Variants in SPATA13 observed in about 807,000 individuals in gnomAD.
SPATA13 encodes spermatogenesis associated 13.
Under a neutral mutation model 104.0 loss-of-function variants are expected in SPATA13, and 50 were observed. That is an observed-to-expected ratio of 0.48 (90% CI 0.38 to 0.61). The LOEUF (loss-of-function observed/expected upper bound fraction) is 0.61. Ranked by LOEUF, SPATA13 falls within the 20% of genes least tolerant of loss-of-function variation. SPATA13 has a pLI of 0.00. For missense variants in SPATA13, 1,524 were observed against 1,690.6 expected, an observed-to-expected ratio of 0.90 and a Z score of 1.73; for synonymous variants, 606 against 667.5, an observed-to-expected ratio of 0.91 and a Z score of 1.42.
chr13:24,279,000 T>TCCCTG (rs1875277351), intron 4 of SPATA13, among the ~76,000 whole-genome samples: 1 of 117,874 alleles, frequency 8.5e-6, no homozygotes, highest in Non-Finnish European at 1.9e-5. Context: ...CTCCCTTCCT[T>TCCCTG]CCTTCCTTCC....
At chr13:24,149,783 A>G (rs756131715) in intron 3 of SPATA13, among the ~76,000 whole-genome samples, 6 of 152,360 alleles carry the variant, frequency 3.9e-5, no homozygotes, top group African/African-American at 1.4e-4. Flanking sequence ...GCTGCGGGTC[A>G]GGTTGTCACA....
At chr13:24,154,689 T>C (rs1593364218) in intron 3 of SPATA13, among the ~76,000 whole-genome samples, 1 of 152,222 alleles carries the variant, frequency 6.6e-6, no homozygotes, top group African/African-American at 2.4e-5. Flanking sequence ...GTGAGGAGTC[T>C]GGGCACAGCT....
At position 24,290,810 on chromosome 13, in the gene SPATA13, C is replaced by G; in HGVS notation, c.3006C>G (p.Leu1002=). The part of the protein sequence containing the change: ...MIDIAIDGFL[L]TPVQKICKYP... ...ACATCGCCATCGACGGGTTCCTGCT[C>G]ACACCAGTGCAGAAGATCTGCAAAT... is the stretch of plus-strand genomic sequence containing the variant. Residue 1002 remains leucine (L), a synonymous_variant, in exon 9 of 13, where the codon CTC becomes CTG. Transcript: ENST00000382108. 1 of 1,614,194 alleles carries G rather than the reference C, an allele frequency of 6.2e-7. No homozygotes were observed. Among genetic ancestry groups the G allele is most frequent in the Non-Finnish European group, 8.5e-7 (1 of 1,180,040 alleles).
chr13:24,189,868 A>ATT (rs1566140705), intron 1 of SPATA13, among the ~76,000 whole-genome samples: 2 of 25,232 alleles, frequency 7.9e-5, no homozygotes, highest in African/African-American at 1.4e-4. Flanking sequence ...TATCATATAT[A>ATT]ATATAATTAT....
intron 1 of SPATA13, among the ~76,000 whole-genome samples, chr13:24,170,513 G>T (rs1319426353): frequency 6.6e-6 from 1 of 152,184 alleles, no homozygotes; most frequent in African/African-American, 2.4e-5. Flanking sequence ...TCAGCAAGAG[G>T]TGCTACTTTC....
chr13:24,167,964 G>A (rs1007152811), intron 1 of SPATA13, among the ~76,000 whole-genome samples: 7 of 152,148 alleles, frequency 4.6e-5, no homozygotes, highest in African/African-American at 1.7e-4. Flanking sequence ...CTCTCTGTCA[G>A]CATGGACAAA....
In SPATA13 at chr13:24,058,255, C is replaced by T. The variant is rs556062782; in HGVS notation, c.-112+40554C>T. Among the ~76,000 whole-genome samples the T allele has an allele frequency of 3.9e-5, 6 of 151,988 alleles. No homozygotes were observed. In the East Asian group the frequency reaches 5.8e-4, roughly 15 times the overall value. On this transcript the variant is annotated intron_variant, in intron 3 of 14. Coordinates refer to the SPATA13 transcript ENST00000424834. The stretch of plus-strand genomic sequence containing the variant: ...GGATTCTAGTGTTGAAAACTCTCTA[C>T]GTGATATTGTTATCTGGGTATCAGA...
intron 3 of SPATA13, among the ~76,000 whole-genome samples, chr13:24,129,051 G>A (rs537772037): frequency 2.4e-4 from 37 of 152,352 alleles, no homozygotes; most frequent in African/African-American, 7.2e-4. Context: ...CTGTGGCACC[G>A]CACCATCTGT....
intron 2 of SPATA13, among the ~76,000 whole-genome samples, chr13:23,991,248 CT>C (rs1374111067): frequency 6.6e-6 from 1 of 152,194 alleles, no homozygotes; most frequent in African/African-American, 2.4e-5. Flanking sequence ...GCTGTCTTTT[CT>C]TTGTAATACA....
At chr13:24,045,769 AG>A (rs140885778) in intron 3 of SPATA13, among the ~76,000 whole-genome samples, 1,890 of 152,304 alleles carry the variant, frequency 0.012, 38 homozygotes, top group African/African-American at 0.041. Context: ...GCTGAGCCAC[AG>A]GGTTGCTGGG....
intron 3 of SPATA13, among the ~76,000 whole-genome samples, chr13:24,083,563 A>C (rs184519256): frequency 6.6e-5 from 10 of 152,330 alleles, no homozygotes; most frequent in African/African-American, 2.4e-4. Context: ...GGTTTCCCTA[A>C]GTTTCCAAGC....
chr13:24,192,978 G>A (rs2138554780), intron 1 of SPATA13, among the ~76,000 whole-genome samples: 1 of 152,276 alleles, frequency 6.6e-6, no homozygotes, highest in East Asian at 1.9e-4. Flanking sequence ...ACTGTAACCG[G>A]CACATTATAA....
chr13:24,293,389 G>A (rs1327376861), intron 9 of SPATA13, among the ~76,000 whole-genome samples: 1 of 152,146 alleles, frequency 6.6e-6, no homozygotes, highest in Non-Finnish European at 1.5e-5. Context: ...AAATTAAGAA[G>A]CAAAGACTTC....
intron 3 of SPATA13, among the ~76,000 whole-genome samples, chr13:24,041,609 G>A (rs6490856): frequency 0.99 from 151,068 of 152,390 alleles, 74,892 homozygotes; most frequent in East Asian, 1. Flanking sequence ...TGATGTTAAG[G>A]AAATGTTTTC....
intron 3 of SPATA13, among the ~76,000 whole-genome samples, chr13:24,108,572 G>T (rs1880529708): frequency 6.6e-6 from 1 of 152,148 alleles, no homozygotes; most frequent in South Asian, 2.1e-4. Context: ...TTGCAGCCAG[G>T]ATTCTCCTGA....
chr13:24,270,600 C>T, intron 4 of SPATA13: 1 of 669,972 alleles, frequency 1.5e-6, no homozygotes, highest in Non-Finnish European at 2.4e-6. Context: ...ATAGGTTTTG[C>T]CTTAGTTTAG....
At chr13:24,204,167 C>A (rs766861350) in intron 1 of SPATA13, among the ~76,000 whole-genome samples, 1 of 152,078 alleles carries the variant, frequency 6.6e-6, no homozygotes, top group African/African-American at 2.4e-5. Context: ...GAGGCTAACC[C>A]GAATGCCTGT....
intron 3 of SPATA13, among the ~76,000 whole-genome samples, chr13:24,025,856 C>T (rs1392665684): frequency 2.0e-5 from 3 of 149,792 alleles, no homozygotes; most frequent in African/African-American, 7.4e-5. Context: ...ATCGCCTGGG[C>T]TGGAGTGCAA....
chr13:24,000,910 C>T (rs1188476916), intron 2 of SPATA13, among the ~76,000 whole-genome samples: 1 of 152,060 alleles, frequency 6.6e-6, no homozygotes, highest in Non-Finnish European at 1.5e-5. Context: ...TCGGGAGATT[C>T]CCTGGGTCAG....
Sources: allele counts gnomAD v4.1 joint callset (sites outside exome capture counted in the v4.1 genomes callset), GRCh38; gene constraint gnomAD v4.1.1; transcripts MANE v1.5; gene names NCBI Gene and HGNC (gene_info 2026-07-23, HGNC 2026-07-21).